The following ABTB2 variants were observed in gnomAD, a reference collection of about 807,000 sequenced individuals.
The protein encoded by ABTB2 is ankyrin repeat and BTB domain containing 2.
ABTB2 carries 56 observed loss-of-function variants against 104.1 expected under a neutral mutation model. The observed-to-expected ratio is 0.54, with a 90% CI of 0.43 to 0.67. The LOEUF (loss-of-function observed/expected upper bound fraction) is 0.67. Among genes scored for constraint, ABTB2 ranks in the 30% least tolerant of loss-of-function variants. The pLI is 0.00. For missense variants in ABTB2, 1,279 were observed against 1,407.7 expected, an observed-to-expected ratio of 0.91 and a Z score of 1.46; for synonymous variants, 606 against 608.2, an observed-to-expected ratio of 1.00 and a Z score of 0.05.
intron 3 of ABTB2, among the ~76,000 whole-genome samples, chr11:34,195,450 C>A (rs1477513364): frequency 6.6e-6 from 1 of 152,234 alleles, no homozygotes. Flanking sequence ...GTGTCAGGCC[C>A]AGGGTGGCCC....
intron 1 of ABTB2, among the ~76,000 whole-genome samples, chr11:34,232,459 A>AAAAAAAAAC (rs1308699471): frequency 5.6e-4 from 85 of 151,310 alleles, no homozygotes; most frequent in African/African-American, 2.0e-3. Flanking sequence ...CAAAAAAAAA[A>AAAAAAAAAC]AAAAAAATTG....
chr11:34,153,241 G>A (rs910356671), intron 16 of ABTB2, among the ~76,000 whole-genome samples: 3 of 152,218 alleles, frequency 2.0e-5, no homozygotes, highest in Non-Finnish European at 4.4e-5. Flanking sequence ...GCATGGCAGA[G>A]TGAGGGGAGA....
intron 1 of ABTB2, among the ~76,000 whole-genome samples, chr11:34,349,633 C>G (rs1032756572): frequency 1.3e-5 from 2 of 152,226 alleles, no homozygotes; most frequent in African/African-American, 4.8e-5. Context: ...GAAATTCTCA[C>G]AACCATCCTA....
intron 1 of ABTB2, among the ~76,000 whole-genome samples, chr11:34,260,480 C>T (rs993426386): frequency 6.6e-6 from 1 of 152,186 alleles, no homozygotes; most frequent in African/African-American, 2.4e-5. Context: ...CATGTCAGCA[C>T]ACACTGCAGT....
At chr11:34,184,011 G>A (rs1381415567) in intron 3 of ABTB2, among the ~76,000 whole-genome samples, 1 of 151,978 alleles carries the variant, frequency 6.6e-6, no homozygotes, top group Non-Finnish European at 1.5e-5. Flanking sequence ...CCTGCTTGCT[G>A]GGCTTAAGCG....
chr11:34,326,171 T>C (rs1338188463), intron 1 of ABTB2, among the ~76,000 whole-genome samples: 2 of 152,042 alleles, frequency 1.3e-5, no homozygotes, highest in Non-Finnish European at 2.9e-5. Context: ...GGGATAGTGG[T>C]GAGCTTTCTA....
chr11:34,235,593 T>C (rs1376822917), intron 1 of ABTB2, among the ~76,000 whole-genome samples: 1 of 151,736 alleles, frequency 6.6e-6, no homozygotes, highest in African/African-American at 2.4e-5. Flanking sequence ...GCGGGGGAGG[T>C]CAAAAGGAAT....
intron 2 of ABTB2, among the ~76,000 whole-genome samples, chr11:34,201,642 A>G (rs1322960418): frequency 6.6e-6 from 1 of 152,214 alleles, no homozygotes; most frequent in Non-Finnish European, 1.5e-5. Flanking sequence ...TTCAGTGCCA[A>G]GTATCACTAG....
chr11:34,280,371 A>G (rs1479890186), intron 1 of ABTB2, among the ~76,000 whole-genome samples: 1 of 152,072 alleles, frequency 6.6e-6, no homozygotes, highest in African/African-American at 2.4e-5. Context: ...CCCAACAGGT[A>G]GGTTTGAGGA....
intron 1 of ABTB2, among the ~76,000 whole-genome samples, chr11:34,342,183 T>C (rs1855268909): frequency 6.6e-6 from 1 of 152,226 alleles, no homozygotes; most frequent in African/African-American, 2.4e-5. Flanking sequence ...AGAGGCAATT[T>C]CATTCACACT....
intron 14 of ABTB2, among the ~76,000 whole-genome samples, chr11:34,158,715 T>C (rs909014155): frequency 2.6e-5 from 4 of 152,248 alleles, no homozygotes; most frequent in South Asian, 4.1e-4. Flanking sequence ...GAGTTTCTAG[T>C]ATGTAACCTT....
intron 1 of ABTB2, among the ~76,000 whole-genome samples, chr11:34,214,532 CTTTTTTT>C (rs5790978): frequency 8.7e-4 from 107 of 123,190 alleles, no homozygotes; most frequent in African/African-American, 2.6e-3. Flanking sequence ...AAAAATACCA[CTTTTTTT>C]TTTTTTTTTT....
chr11:34,336,653 AAAAC>A (rs925899140), intron 1 of ABTB2, among the ~76,000 whole-genome samples: 18 of 152,100 alleles, frequency 1.2e-4, no homozygotes, highest in Admixed American at 3.3e-4. Context: ...AAAAAAAAAC[AAAAC>A]AAACAAACAA....
rs115430620 is a variant in ABTB2 at position 34,236,763 on chromosome 11, C to A, written c.884-32073G>T. 8.9e-3 allele frequency among the ~76,000 whole-genome samples: 1,360 copies of A among 152,260 alleles called. 19 individuals are homozygous for A. Among genetic ancestry groups the A allele is most frequent in the African/African-American group, 0.031 (1,296 of 41,550 alleles). ...ACCGAGGAGGGTAGATAAACGAAATCGCATCAGCCGCAAAGCTGCTCGCTC... is the reference window on the plus strand; with the variant it reads ...ACCGAGGAGGGTAGATAAACGAAATAGCATCAGCCGCAAAGCTGCTCGCTC... On this transcript the variant is annotated intron_variant, in intron 1 of 16. Coordinates refer to ENST00000435224, the MANE Select transcript of ABTB2 (RefSeq NM_145804.3).
At chr11:34,192,186 G>C (rs1043133804) in intron 3 of ABTB2, among the ~76,000 whole-genome samples, 7 of 152,072 alleles carry the variant, frequency 4.6e-5, no homozygotes, top group Non-Finnish European at 7.4e-5. Flanking sequence ...CCAGCTACTG[G>C]GGGGGCTGAG....
intron 3 of ABTB2, among the ~76,000 whole-genome samples, chr11:34,181,865 C>G (rs1565134317): frequency 1.3e-5 from 2 of 152,224 alleles, no homozygotes; most frequent in South Asian, 4.1e-4. Context: ...CTACCTTCAG[C>G]CCTAAATTCT....
intron 1 of ABTB2, among the ~76,000 whole-genome samples, chr11:34,341,452 A>G (rs2611143): frequency 0.16 from 24,578 of 151,906 alleles, 2,236 homozygotes; most frequent in Middle Eastern, 0.26. Flanking sequence ...GCCCCAAGCG[A>G]CCCACCACTG....
chr11:34,153,688 A>C (rs1168187910), intron 16 of ABTB2, among the ~76,000 whole-genome samples: 1 of 152,198 alleles, frequency 6.6e-6, no homozygotes, highest in Non-Finnish European at 1.5e-5. Context: ...TGCAGGGCTA[A>C]AGCCAGGAAG....
intron 1 of ABTB2, among the ~76,000 whole-genome samples, chr11:34,280,163 T>G (rs1854433554): frequency 6.6e-6 from 1 of 151,960 alleles, no homozygotes; most frequent in African/African-American, 2.4e-5. Context: ...GAACATTGAG[T>G]CACAAGGCTG....
Sources: gnomAD v4.1 joint callset for allele counts (sites outside exome capture counted in the v4.1 genomes callset) on GRCh38, gnomAD v4.1.1 for gene constraint, MANE v1.5 for transcripts, NCBI Gene and HGNC (gene_info 2026-07-23, HGNC 2026-07-21) for gene names.